DDAH1: variants seen among roughly 807,000 people sequenced by gnomAD.
DDAH1 encodes dimethylarginine dimethylaminohydrolase 1.
A neutral mutation model predicts 28.8 loss-of-function variants in DDAH1; 19 were observed. The ratio of observed to expected loss-of-function variants is 0.66; its 90% CI spans 0.46 to 0.97. The LOEUF (loss-of-function observed/expected upper bound fraction) is 0.97. Ranked by LOEUF, DDAH1 falls within the 50% of genes least tolerant of loss-of-function variation. DDAH1 has a pLI of 0.00. For missense variants in DDAH1, 326 were observed against 375.9 expected (o/e 0.87, Z 1.10); for synonymous variants, 153 against 154.4 (o/e 0.99, Z 0.07).
At chr1:85,474,616 C>G (rs1655732081) in intron 2 of DDAH1, among the ~76,000 whole-genome samples, 1 of 152,148 alleles carries the variant, frequency 6.6e-6, no homozygotes, top group Non-Finnish European at 1.5e-5. Flanking sequence ...CCTGTTTTGA[C>G]TCCTATGACA....
chr1:85,364,634 G>A (rs886699533), intron 1 of DDAH1, among the ~76,000 whole-genome samples: 6 of 151,462 alleles, frequency 4.0e-5, no homozygotes, highest in African/African-American at 9.7e-5. Context: ...TGCAACCTTC[G>A]CCTCCCAGGT....
chr1:85,363,062 G>A (rs1034294129), intron 1 of DDAH1, among the ~76,000 whole-genome samples: 1 of 152,124 alleles, frequency 6.6e-6, no homozygotes, highest in Non-Finnish European at 1.5e-5. Context: ...AGCACTGTTA[G>A]TTTAATACTC....
chr1:85,534,125 T>C (rs1297470645), intron 1 of DDAH1, among the ~76,000 whole-genome samples: 2 of 152,164 alleles, frequency 1.3e-5, no homozygotes, highest in African/African-American at 4.8e-5. Flanking sequence ...AAAAGCTCAA[T>C]TCTTTGCATT....
intron 1 of DDAH1, among the ~76,000 whole-genome samples, chr1:85,546,421 G>A (rs1658628466): frequency 6.6e-6 from 1 of 152,158 alleles, no homozygotes; most frequent in African/African-American, 2.4e-5. Context: ...CTGTGAGCTA[G>A]TAAATTTCTG....
At chr1:85,419,148 G>A (rs1653017709) in intron 1 of DDAH1, among the ~76,000 whole-genome samples, 1 of 152,126 alleles carries the variant, frequency 6.6e-6, no homozygotes, top group African/African-American at 2.4e-5. Context: ...TTGTAAAAGT[G>A]TTAAAGCCTT....
intron 4 of DDAH1, among the ~76,000 whole-genome samples, chr1:85,332,551 T>G (rs1344240640): frequency 6.6e-6 from 1 of 152,162 alleles, no homozygotes; most frequent in Non-Finnish European, 1.5e-5. Flanking sequence ...CACCACAGCC[T>G]GGGCCCATGG....
intron 1 of DDAH1, among the ~76,000 whole-genome samples, chr1:85,559,431 C>CA (rs1342562989): frequency 6.6e-6 from 1 of 151,972 alleles, no homozygotes; most frequent in Non-Finnish European, 1.5e-5. Context: ...ACATAATAGC[C>CA]ATAATACTCA....
At position 85,535,095 on chromosome 1, in the gene DDAH1, T is replaced by C. The variant is rs554128181; in HGVS notation, c.-122-38814A>G. The stretch of plus-strand genomic sequence containing the variant: ...ACTGCTTTGTAAAGCAAAATTCACT[T>C]AAGGTGAAAGGATATTTTAAAAATT... On this transcript the variant is annotated intron_variant, in intron 1 of 6. Transcript: ENST00000426972. Among the ~76,000 whole-genome samples, 653 of 152,304 alleles carry C rather than the reference T, an allele frequency of 4.3e-3. 6 individuals carry two copies. The highest frequency in any genetic ancestry group is 0.015 in the African/African-American group (623 of 41,580).
intron 1 of DDAH1, among the ~76,000 whole-genome samples, chr1:85,383,424 T>C (rs966864730): frequency 3.9e-5 from 6 of 152,328 alleles, no homozygotes; most frequent in African/African-American, 1.4e-4. Flanking sequence ...TTGCTTCTTA[T>C]GGATGGGCAA....
At chr1:85,468,669 G>A (rs182433859), upstream of DDAH1, among the ~76,000 whole-genome samples, 8 of 151,936 alleles carry the variant, frequency 5.3e-5, no homozygotes, top group African/African-American at 1.7e-4. Flanking sequence ...ACAGGCACCC[G>A]CCACCACACC....
At chr1:85,479,620 T>C (rs2100714578) in intron 2 of DDAH1, among the ~76,000 whole-genome samples, 1 of 152,168 alleles carries the variant, frequency 6.6e-6, no homozygotes, top group South Asian at 2.1e-4. Context: ...GAAAGTAGAG[T>C]GGTTTTGGCC....
chr1:85,353,043 A>G (rs527621228), intron 2 of DDAH1, among the ~76,000 whole-genome samples: 1 of 152,330 alleles, frequency 6.6e-6, no homozygotes, highest in East Asian at 1.9e-4. Flanking sequence ...CTTTGAAACT[A>G]CACATTCCAT....
intron 2 of DDAH1, among the ~76,000 whole-genome samples, chr1:85,356,767 T>G (rs550418978): frequency 6.6e-6 from 1 of 152,332 alleles, no homozygotes; most frequent in East Asian, 1.9e-4. Context: ...CCTAAATGCT[T>G]AGTACCTACT....
chr1:85,553,602 C>T (rs1658866683), intron 1 of DDAH1, among the ~76,000 whole-genome samples: 1 of 152,182 alleles, frequency 6.6e-6, no homozygotes, highest in South Asian at 2.1e-4. Flanking sequence ...CAGACACAGG[C>T]CTGCAGATGC....
At chr1:85,540,487 G>A (rs948874012) in intron 1 of DDAH1, among the ~76,000 whole-genome samples, 1 of 152,142 alleles carries the variant, frequency 6.6e-6, no homozygotes, top group Non-Finnish European at 1.5e-5. Flanking sequence ...ACTCTTGTAT[G>A]AAACTACTCT....
intron 1 of DDAH1, among the ~76,000 whole-genome samples, chr1:85,518,200 A>G (rs1657542044): frequency 6.6e-6 from 1 of 152,158 alleles, no homozygotes; most frequent in Non-Finnish European, 1.5e-5. Flanking sequence ...ATTTCACTAC[A>G]ACTTATTAGT....
intron 1 of DDAH1, among the ~76,000 whole-genome samples, chr1:85,442,680 T>G (rs1174728647): frequency 2.0e-5 from 3 of 152,192 alleles, no homozygotes; most frequent in Non-Finnish European, 4.4e-5. Context: ...CCACATCCTC[T>G]CCAGCACCTG....
intron 1 of DDAH1, among the ~76,000 whole-genome samples, chr1:85,375,047 T>G (rs1304886369): frequency 1.4e-5 from 2 of 143,632 alleles, no homozygotes; most frequent in Non-Finnish European, 3.0e-5. Flanking sequence ...GGATAGGTGT[T>G]AAAATTTGAG....
At chr1:85,495,600 C>G (rs1656558872) in intron 2 of DDAH1, 1 of 152,210 alleles carries the variant, frequency 6.6e-6, no homozygotes, top group Admixed American at 6.5e-5. Flanking sequence ...AATGAAGGCG[C>G]TGGGACACTG....
Sources: gnomAD v4.1 joint callset for allele counts (sites outside exome capture counted in the v4.1 genomes callset) on GRCh38, gnomAD v4.1.1 for gene constraint, MANE v1.5 for transcripts, NCBI Gene and HGNC (gene_info 2026-07-23, HGNC 2026-07-21) for gene names.